Variants in CRTC3 observed in about 807,000 individuals in gnomAD.
CRTC3 encodes the protein CREB-regulated transcription coactivator 3.
CRTC3 carries 26 observed loss-of-function variants against 74.5 expected under a neutral mutation model. That is an observed-to-expected ratio of 0.35 (90% CI 0.26 to 0.48). The LOEUF (loss-of-function observed/expected upper bound fraction) is 0.48. Ranked by LOEUF, CRTC3 falls within the 20% of genes least tolerant of loss-of-function variation. The pLI is 0.99. For synonymous variants in CRTC3, 377 were observed against 325.8 expected (o/e 1.16, Z -1.69); for missense variants, 760 against 787.3 (o/e 0.97, Z 0.41).
At chr15:90,614,331 A>G (rs951528391) in intron 6 of CRTC3, 122 bp from the exon 7 acceptor site, 3 of 673,686 alleles carry the variant, frequency 4.5e-6, no homozygotes, top group East Asian at 2.8e-5. Context: ...CAGTGTATCA[A>G]AAGTGCCTTA....
At chr15:90,633,912 C>T (rs1969135915) in intron 11 of CRTC3, among the ~76,000 whole-genome samples, 1 of 151,660 alleles carries the variant, frequency 6.6e-6, no homozygotes, top group Non-Finnish European at 1.5e-5. Context: ...GCTATGAGTT[C>T]TTTTTTGTTC....
intron 2 of CRTC3, among the ~76,000 whole-genome samples, chr15:90,587,202 G>A (rs1967685304): frequency 6.6e-6 from 1 of 152,200 alleles, no homozygotes; most frequent in Non-Finnish European, 1.5e-5. Flanking sequence ...CAGATGCTAT[G>A]TGATAGGTAG....
At chr15:90,631,028 C>T (rs1352413968) in intron 11 of CRTC3, among the ~76,000 whole-genome samples, 1 of 139,236 alleles carries the variant, frequency 7.2e-6, no homozygotes, top group East Asian at 2.1e-4. Context: ...CCACCCGCCT[C>T]GGCCTCCCAA....
intron 2 of CRTC3, among the ~76,000 whole-genome samples, chr15:90,561,436 A>G (rs1967008808): frequency 6.6e-6 from 1 of 152,202 alleles, no homozygotes; most frequent in African/African-American, 2.4e-5. Flanking sequence ...TGAAGTCTTA[A>G]TCGGCCTGTC....
intron 9 of CRTC3, among the ~76,000 whole-genome samples, chr15:90,624,224 G>T (rs1022022993): frequency 6.6e-6 from 1 of 151,924 alleles, no homozygotes; most frequent in Non-Finnish European, 1.5e-5. Flanking sequence ...ACCTTCTCCC[G>T]CATTCTCCTC....
chr15:90,574,281 A>G (rs1967347608), intron 2 of CRTC3, among the ~76,000 whole-genome samples: 1 of 152,132 alleles, frequency 6.6e-6, no homozygotes, highest in South Asian at 2.1e-4. Flanking sequence ...GATCGAGAGC[A>G]TCCTGGTCAA....
At chr15:90,587,130 TC>T (rs1308503640) in intron 2 of CRTC3, among the ~76,000 whole-genome samples, 1 of 152,054 alleles carries the variant, frequency 6.6e-6, no homozygotes, top group African/African-American at 2.4e-5. Flanking sequence ...GGAAGTAATT[TC>T]CCCCCTAGGT....
At chr15:90,533,084 CAAAAAAAAAAAAAAAAAA>C (rs766911510) in intron 1 of CRTC3, among the ~76,000 whole-genome samples, 3 of 18,876 alleles carry the variant, frequency 1.6e-4, no homozygotes, top group East Asian at 2.3e-3. Context: ...GACTTCATCT[CAAAAAAAAAAAAAAAAAA>C]AAAAAAAAAA....
intron 2 of CRTC3, among the ~76,000 whole-genome samples, chr15:90,582,213 A>G (rs1472223855): frequency 1.3e-5 from 2 of 152,130 alleles, no homozygotes; most frequent in African/African-American, 4.8e-5. Context: ...ATTAAAGTTA[A>G]AAGGAGAACT....
intron 9 of CRTC3, among the ~76,000 whole-genome samples, chr15:90,621,915 G>A (rs977930412): frequency 6.6e-5 from 10 of 152,158 alleles, no homozygotes; most frequent in Non-Finnish European, 1.3e-4. Flanking sequence ...TCCTGCTTTC[G>A]AGGAGCTAAT....
chr15:90,640,327 G>A (rs559427885), intron 13 of CRTC3, among the ~76,000 whole-genome samples: 7 of 152,316 alleles, frequency 4.6e-5, no homozygotes, highest in South Asian at 2.1e-4. Context: ...ATAGGGAGGA[G>A]CTTGCCTGAG....
intron 2 of CRTC3, among the ~76,000 whole-genome samples, chr15:90,557,832 C>G (rs1297070294): frequency 6.6e-6 from 1 of 152,150 alleles, no homozygotes; most frequent in Non-Finnish European, 1.5e-5. Context: ...GCTCTGATAA[C>G]TGGACTCTTG....
intron 11 of CRTC3, among the ~76,000 whole-genome samples, chr15:90,635,679 T>C (rs1217915466): frequency 6.6e-6 from 1 of 151,632 alleles, no homozygotes; most frequent in Admixed American, 6.6e-5. Context: ...AAAGATTTTC[T>C]CTCTTCAGGC....
At chr15:90,607,036 AGGCT>A (rs1968240759) in intron 5 of CRTC3, among the ~76,000 whole-genome samples, 1 of 13,162 alleles carries the variant, frequency 7.6e-5, no homozygotes, top group Non-Finnish European at 1.9e-4. Context: ...GTGCAGCCAC[AGGCT>A]AAACTGGCCA....
At chr15:90,584,597 CAG>C (rs1967617545) in intron 2 of CRTC3, among the ~76,000 whole-genome samples, 1 of 152,124 alleles carries the variant, frequency 6.6e-6, no homozygotes, top group African/African-American at 2.4e-5. Context: ...TGGACACCAA[CAG>C]AAATTTATTT....
At position 90,645,226 on chromosome 15, in the gene CRTC3, A is replaced by G; in HGVS notation, c.*3086A>G. On this transcript the variant is annotated 3_prime_UTR_variant, in exon 15 of 15. Transcript: ENST00000268184. ...ACTTCCTGCCAGTGTCCTAACCCCC[A>G]GGGCACCCTGTTCAACCATATTTAA... is the stretch of plus-strand genomic sequence containing the variant. 1 of 228,816 alleles carries G rather than the reference A, an allele frequency of 4.4e-6. No individual in the cohort carries two copies. Among genetic ancestry groups the G allele is most frequent in the Non-Finnish European group, 8.7e-6 (1 of 115,072 alleles). 14.2% of individuals were successfully genotyped at this position (228,816 alleles called of 1,614,324 possible).
rs1967276621 is a variant in CRTC3 at position 90,571,947 on chromosome 15, AG to A, written c.232-21687del. Among the ~76,000 whole-genome samples, 5 of 152,274 alleles carry A rather than the reference AG, an allele frequency of 3.3e-5. No individual in the cohort carries two copies. In the South Asian group the frequency reaches 1.0e-3, roughly 32 times the overall value. ...GAGGCCGAGGCAGGTGGATTACCTG[AG>A]GTCAGGAGTTCAAGACCAGCCTGGC... On this transcript the variant is annotated intron_variant, in intron 2 of 14. Transcript: ENST00000268184.
At chr15:90,598,255 C>G (rs899222282) in intron 3 of CRTC3, 9 of 593,364 alleles carry the variant, frequency 1.5e-5, no homozygotes, top group African/African-American at 1.5e-4. Flanking sequence ...GAAGGGAACC[C>G]TGGGCCTGCT....
intron 4 of CRTC3, among the ~76,000 whole-genome samples, chr15:90,603,478 A>C (rs1968139478): frequency 6.6e-6 from 1 of 152,130 alleles, no homozygotes; most frequent in Admixed American, 6.5e-5. Context: ...ATCTTTTCTC[A>C]GAGTGTCTTA....
Sources: allele counts gnomAD v4.1 joint callset (sites outside exome capture counted in the v4.1 genomes callset), GRCh38; gene constraint gnomAD v4.1.1; transcripts MANE v1.5; gene names NCBI Gene and HGNC (gene_info 2026-07-23, HGNC 2026-07-21).